The following SH2D4B variants were observed in gnomAD, a reference collection of about 807,000 sequenced individuals.
The protein encoded by SH2D4B is SH2 domain containing 4B.
A neutral mutation model predicts 61.5 loss-of-function variants in SH2D4B; 45 were observed. That is an observed-to-expected ratio of 0.73 (90% CI 0.58 to 0.94). The LOEUF is 0.94. SH2D4B is among the 40% of genes least tolerant of loss of function. The pLI is 0.00. For missense variants in SH2D4B, 572 were observed against 574.2 expected, an observed-to-expected ratio of 1.00 and a Z score of 0.04; for synonymous variants, 224 against 220.4, an observed-to-expected ratio of 1.02 and a Z score of -0.14.
chr10:80,548,485 G>T (rs950496252), intron 1 of SH2D4B, among the ~76,000 whole-genome samples: 1 of 152,116 alleles, frequency 6.6e-6, no homozygotes, highest in Non-Finnish European at 1.5e-5. Flanking sequence ...CCCTTGGGTG[G>T]GCTTGATGTT....
chr10:80,619,760 G>A (rs752429740), intron 6 of SH2D4B, among the ~76,000 whole-genome samples: 67 of 152,244 alleles, frequency 4.4e-4, no homozygotes, highest in Non-Finnish European at 8.7e-4. Context: ...GGCCATAGTG[G>A]CAGAGAGATG....
At chr10:80,641,970 C>T (rs1840316886) in intron 7 of SH2D4B, among the ~76,000 whole-genome samples, 1 of 151,610 alleles carries the variant, frequency 6.6e-6, no homozygotes, top group Non-Finnish European at 1.5e-5. Flanking sequence ...CATTTCAAGT[C>T]TCTATTTCTG....
chr10:80,545,493 TTTC>T (rs570260497), intron 1 of SH2D4B, among the ~76,000 whole-genome samples: 23 of 152,026 alleles, frequency 1.5e-4, no homozygotes, highest in East Asian at 7.7e-4. Context: ...TCTTCTCCCT[TTTC>T]TTCTTCTTCT....
At chr10:80,598,455 C>T (rs915518843) in intron 4 of SH2D4B, among the ~76,000 whole-genome samples, 1 of 152,028 alleles carries the variant, frequency 6.6e-6, no homozygotes, top group African/African-American at 2.4e-5. Flanking sequence ...TCATTCAGGC[C>T]CTGTGGTTTT....
chr10:80,582,210 G>C (rs534902961), intron 3 of SH2D4B, among the ~76,000 whole-genome samples: 1 of 152,116 alleles, frequency 6.6e-6, no homozygotes, highest in Non-Finnish European at 1.5e-5. Flanking sequence ...AAAGGGAAAC[G>C]CTGGGGTGTT....
At chr10:80,613,088 A>G (rs1842619653) in intron 6 of SH2D4B, among the ~76,000 whole-genome samples, 1 of 152,168 alleles carries the variant, frequency 6.6e-6, no homozygotes, top group African/African-American at 2.4e-5. Context: ...TCCTTTGGGA[A>G]ATCAGGTTTG....
rs534902961 is a variant in SH2D4B at position 80,582,210 on chromosome 10, G to T, written c.496-6420G>T. On this transcript the variant is annotated intron_variant, in intron 3 of 7. Transcript: ENST00000646907. ...GAAGAGGGAAAGTTGAAAGGGAAAC[G>T]CTGGGGTGTTGGGGTATCAGGCAGA... Among the ~76,000 whole-genome samples, 184 of 152,234 alleles carry T rather than the reference G, an allele frequency of 1.2e-3. 1 individual carries two copies. The highest frequency in any genetic ancestry group is 5.0e-3 in the South Asian group (24 of 4,822).
intron 7 of SH2D4B, among the ~76,000 whole-genome samples, chr10:80,643,754 T>C (rs1021649481): frequency 6.6e-6 from 1 of 152,156 alleles, no homozygotes; most frequent in African/African-American, 2.4e-5. Flanking sequence ...CTTTTGTTTT[T>C]CAGGGATTCT....
intron 1 of SH2D4B, among the ~76,000 whole-genome samples, chr10:80,568,091 CTT>C (rs1192521361): frequency 6.2e-5 from 9 of 145,092 alleles, no homozygotes; most frequent in Non-Finnish European, 9.1e-5. Context: ...AGAGATCACA[CTT>C]TTTTTTTTTT....
chr10:80,538,377 C>T lies in SH2D4B; in HGVS notation c.46C>T (p.Leu16Phe), dbSNP rs867080000. 3 of 1,415,824 alleles carry T rather than the reference C, an allele frequency of 2.1e-6. No individual in the cohort carries two copies. Among genetic ancestry groups the T allele is most frequent in the African/African-American group, 2.9e-5 (2 of 68,240 alleles). The allele number at this position is 1,415,824 out of a possible 1,614,324, so 87.7% of individuals were successfully genotyped here. The change falls in exon 1 of 8, where the codon CTT becomes TTT. Residue 16 changes from leucine to phenylalanine, a missense_variant. Transcript: ENST00000646907. This position sits in a 1 kb window ranked among gnomAD's most constrained non-coding sequence, Gnocchi z 4.8. ...CGACATGTACATCGACCCCGAGCTC[C>T]TTGCCGAGCTCAGCGATGTGCAGAA... ...LHDMYIDPEL[L>F]AELSDVQKHI...
At chr10:80,635,866 G>A (rs1840156243) in intron 7 of SH2D4B, among the ~76,000 whole-genome samples, 1 of 152,084 alleles carries the variant, frequency 6.6e-6, no homozygotes, top group South Asian at 2.1e-4. Flanking sequence ...TGTTACACAG[G>A]TATACATGTG....
chr10:80,553,564 C>G (rs1841790067), intron 1 of SH2D4B, among the ~76,000 whole-genome samples: 1 of 152,168 alleles, frequency 6.6e-6, no homozygotes, highest in South Asian at 2.1e-4. Context: ...GCATCATGGC[C>G]CCGGTGGGAG....
intron 1 of SH2D4B, among the ~76,000 whole-genome samples, chr10:80,553,040 C>T (rs922820540): frequency 2.0e-5 from 3 of 152,076 alleles, no homozygotes; most frequent in African/African-American, 7.2e-5. Flanking sequence ...TTCAGCCTCC[C>T]GAGTAGCTGG....
In SH2D4B at chr10:80,634,352, G is replaced by C. The variant is rs562673775; in HGVS notation, c.1056G>C (p.Arg352=). ...TGACTGAGGGAGCATTCCTGGTCCG[G>C]GTCAGTGAGAAAATCTGGGGTTACA... ...ENMTEGAFLV[R]VSEKIWGYTL... is the part of the protein sequence containing the mutation. The change falls in exon 7 of 8, where the codon CGG becomes CGC. Residue 352 remains arginine, a synonymous_variant. Coordinates refer to ENST00000646907, the MANE Select transcript of SH2D4B (RefSeq NM_001388272.1). The C allele has an allele frequency of 1.0e-4, 161 of 1,550,226 alleles. No homozygotes were observed. The highest frequency in any genetic ancestry group is 1.4e-4 in the Non-Finnish European group (158 of 1,146,814).
At chr10:80,606,073 C>CCT (rs1842516347) in intron 5 of SH2D4B, among the ~76,000 whole-genome samples, 1 of 152,070 alleles carries the variant, frequency 6.6e-6, no homozygotes, top group Admixed American at 6.5e-5. Context: ...CTCCTACCAG[C>CCT]CTCTCTCCTA....
At chr10:80,578,860 G>C (rs973051982) in intron 3 of SH2D4B, among the ~76,000 whole-genome samples, 3 of 152,228 alleles carry the variant, frequency 2.0e-5, no homozygotes, top group African/African-American at 7.2e-5. Flanking sequence ...CGAGGAAGGA[G>C]AGAAGGGATG....
At chr10:80,639,864 T>A (rs1260691785) in intron 7 of SH2D4B, among the ~76,000 whole-genome samples, 1 of 152,232 alleles carries the variant, frequency 6.6e-6, no homozygotes, top group Non-Finnish European at 1.5e-5. Flanking sequence ...TGTTAGTTGA[T>A]GCAGTTTCTT....
At chr10:80,584,645 AAAAAAATGTAC>A (rs1168811744) in intron 3 of SH2D4B, among the ~76,000 whole-genome samples, 1 of 152,208 alleles carries the variant, frequency 6.6e-6, no homozygotes, top group Non-Finnish European at 1.5e-5. Flanking sequence ...TTACAAGGTT[AAAAAAATGTAC>A]TTTTTGGAAC....
At chr10:80,641,317 G>C (rs1840302577) in intron 7 of SH2D4B, among the ~76,000 whole-genome samples, 1 of 152,224 alleles carries the variant, frequency 6.6e-6, no homozygotes, top group African/African-American at 2.4e-5. Context: ...GAGAACCACT[G>C]CTCTCTTCAG....
Sources: gnomAD v4.1 joint callset for allele counts (sites outside exome capture counted in the v4.1 genomes callset) on GRCh38, gnomAD v4.1.1 for gene constraint, Gnocchi (gnomAD v3.1) non-coding constraint, MANE v1.5 for transcripts, NCBI Gene and HGNC (gene_info 2026-07-23, HGNC 2026-07-21) for gene names.